DROSHA: variants seen among roughly 807,000 people sequenced by gnomAD.
DROSHA encodes ribonuclease 3.
Under a neutral mutation model 181.9 loss-of-function variants are expected in DROSHA, and 56 were observed. The ratio of observed to expected loss-of-function variants is 0.31; its 90% confidence interval spans 0.25 to 0.38. The LOEUF (loss-of-function observed/expected upper bound fraction) is 0.38, where lower values mean the gene tolerates loss of function less well. Among genes scored for constraint, DROSHA ranks in the 10% least tolerant of loss-of-function variants. DROSHA has a pLI of 1.00. For synonymous variants in DROSHA, 524 were observed against 591.2 expected (o/e 0.89, Z 1.65); for missense variants, 1,218 against 1,743.5 (o/e 0.70, Z 5.37).
Position 31,411,051 on chromosome 5 carries a change from T to C in DROSHA, c.3526-164A>G, listed in dbSNP as rs1272709068. 6.6e-6 allele frequency among the ~76,000 whole-genome samples: 1 copy of C among 152,200 alleles called. No homozygotes were observed. The highest frequency in any genetic ancestry group is 1.5e-5 in the Non-Finnish European group (1 of 68,030). ...ACCCAGATGACAGTGATATGCTCCATGCCCATTTACCTTCTCCTTAATAAC... is the reference window on the plus strand; with the variant it reads ...ACCCAGATGACAGTGATATGCTCCACGCCCATTTACCTTCTCCTTAATAAC... On this transcript the variant is annotated intron_variant, in intron 30 of 35. Transcript: ENST00000344624. This position sits in a 1 kb window ranked among gnomAD's most constrained non-coding sequence, Gnocchi z 4.2.
At chr5:31,530,601 G>C (rs1741174925) in intron 3 of DROSHA, among the ~76,000 whole-genome samples, 197 bp downstream of exon 3, 1 of 137,210 alleles carries the variant, frequency 7.3e-6, no homozygotes, top group South Asian at 2.3e-4. Context: ...TTGCACTCCA[G>C]CCTGGGCAAC....
In DROSHA at chr5:31,435,520, A is replaced by C. The variant is rs4867329; in HGVS notation, c.3042+245T>G. On this transcript the variant is annotated intron_variant, in intron 25 of 35. Coordinates refer to ENST00000344624, the MANE Select transcript of DROSHA (RefSeq NM_001382508.1). ...TAACTCTGTTCATGCACATCTGTCA[A>C]ATTTTTCTTCATCTGTTCTCAAGTT... Among the ~76,000 whole-genome samples, 67,980 of 151,144 alleles carry C rather than the reference A, an allele frequency of 0.45. 16,135 individuals carry two copies. The highest frequency in any genetic ancestry group is 0.54 in the Non-Finnish European group (36,513 of 67,942).
intron 16 of DROSHA, among the ~76,000 whole-genome samples, chr5:31,478,124 C>A (rs961064714): frequency 1.3e-5 from 2 of 152,024 alleles, no homozygotes; most frequent in Non-Finnish European, 2.9e-5. Context: ...CTGAAAAATG[C>A]GGAAAGTTAC....
intron 17 of DROSHA, among the ~76,000 whole-genome samples, chr5:31,471,026 A>G (rs1204750131): frequency 1.3e-5 from 2 of 152,278 alleles, no homozygotes; most frequent in African/African-American, 4.8e-5. Flanking sequence ...TAACAGTATA[A>G]CAGTAAAAAT....
intron 23 of DROSHA, among the ~76,000 whole-genome samples, chr5:31,445,646 T>C (rs1746156651): frequency 7.0e-6 from 1 of 142,016 alleles, no homozygotes; most frequent in Non-Finnish European, 1.6e-5. Flanking sequence ...GGTTGGCTTA[T>C]CACCCCAAAT....
In DROSHA at chr5:31,401,383, C is replaced by T; in HGVS notation, c.*49G>A. ...AACTAGGCTAGGTCTCAATAGACAA[C>T]AGTCACAGTTACTGAGCAAGTAAAT... is the stretch of plus-strand genomic sequence containing the variant. On this transcript the variant is annotated 3_prime_UTR_variant, in exon 36 of 36. Coordinates refer to ENST00000344624, the MANE Select transcript of DROSHA (RefSeq NM_001382508.1). The T allele has an allele frequency of 6.3e-7, 1 of 1,598,692 alleles. No homozygotes were observed. The highest frequency in any genetic ancestry group is 8.5e-7 in the Non-Finnish European group (1 of 1,170,082).
chr5:31,453,027 T>C (rs979538701), intron 20 of DROSHA, among the ~76,000 whole-genome samples: 16 of 152,180 alleles, frequency 1.1e-4, no homozygotes, highest in African/African-American at 3.6e-4. Flanking sequence ...TGCTAAAAAC[T>C]CAAGGTGGAT....
Position 31,493,945 on chromosome 5 carries a change from G to C in DROSHA, c.1756-652C>G, listed in dbSNP as rs1038164105. ...ATTCTTATAACCCACCATTGTGTGT[G>C]TGTGTGTGTGTGTGTGTGTGTGTGT... On this transcript the variant is annotated intron_variant, in intron 12 of 35. Coordinates refer to ENST00000344624, the MANE Select transcript of DROSHA (RefSeq NM_001382508.1). Among the ~76,000 whole-genome samples the C allele has an allele frequency of 5.8e-4, 25 of 42,774 alleles. 1 individual carries two copies. The highest frequency in any genetic ancestry group is 0.013 in the Middle Eastern group (1 of 78). 28.1% of individuals were successfully genotyped at this position (42,774 alleles called of 152,430 possible).
Position 31,493,641 on chromosome 5 carries a change from C to T in DROSHA, c.1756-348G>A, listed in dbSNP as rs534146933. ...GAACTAACAGAAGTCCTAACAGGAGCAAGGTAATAACACAGCTGACTCAAA... is the reference window on the plus strand; with the variant it reads ...GAACTAACAGAAGTCCTAACAGGAGTAAGGTAATAACACAGCTGACTCAAA... On this transcript the variant is annotated intron_variant, in intron 12 of 35. Coordinates refer to ENST00000344624, the MANE Select transcript of DROSHA (RefSeq NM_001382508.1). Among the ~76,000 whole-genome samples the T allele has an allele frequency of 4.6e-5, 7 of 152,170 alleles. 1 individual carries two copies. In the East Asian group the frequency reaches 5.8e-4, roughly 13 times the overall value.
intron 5 of DROSHA, among the ~76,000 whole-genome samples, chr5:31,525,099 G>C (rs563592336): frequency 6.6e-6 from 1 of 151,992 alleles, no homozygotes; most frequent in African/African-American, 2.4e-5. Context: ...GGGAGGCCGA[G>C]GGGGGCTGAT....
At chr5:31,401,674 G>T in intron 35 of DROSHA, 112 bp from the exon 36 acceptor site, 1 of 640,928 alleles carries the variant, frequency 1.6e-6, no homozygotes, top group Non-Finnish European at 2.1e-6. Context: ...TATGAAATGT[G>T]TATAATTGTA....
chr5:31,483,421 G>A (rs1165916061), intron 16 of DROSHA, 133 bp downstream of exon 16: 13 of 817,226 alleles, frequency 1.6e-5, no homozygotes, highest in African/African-American at 5.3e-5. Flanking sequence ...TTACATTTCC[G>A]TGCCTAACCT....
At chr5:31,483,374 A>G (rs914965125) in intron 16 of DROSHA, among the ~76,000 whole-genome samples, 180 bp downstream of exon 16, 2 of 152,252 alleles carry the variant, frequency 1.3e-5, no homozygotes, top group African/African-American at 4.8e-5. Context: ...TTGGACTACC[A>G]TAATTTATGC....
chr5:31,439,396 T>C (rs1314095554), intron 23 of DROSHA, among the ~76,000 whole-genome samples: 1 of 152,196 alleles, frequency 6.6e-6, no homozygotes, highest in Non-Finnish European at 1.5e-5. Flanking sequence ...TCAGTGCCTA[T>C]GTTCAAGTCA....
intron 11 of DROSHA, among the ~76,000 whole-genome samples, chr5:31,500,464 G>A (rs941023128): frequency 6.6e-6 from 1 of 152,202 alleles, no homozygotes; most frequent in Non-Finnish European, 1.5e-5. Flanking sequence ...AAGAAGCAAC[G>A]GCCCACGCTG....
intron 23 of DROSHA, among the ~76,000 whole-genome samples, chr5:31,447,695 A>G (rs1746478732): frequency 6.6e-6 from 1 of 152,236 alleles, no homozygotes; most frequent in Non-Finnish European, 1.5e-5. Context: ...AAAGGATCTG[A>G]ATAGATATTT....
At chr5:31,429,003 A>G (rs1743817843) in intron 27 of DROSHA, among the ~76,000 whole-genome samples, 1 of 152,236 alleles carries the variant, frequency 6.6e-6, no homozygotes, top group African/African-American at 2.4e-5. Context: ...CTCTTTATCC[A>G]TAGCCCTATC....
Position 31,479,117 on chromosome 5 carries a change from G to C in DROSHA, c.2071+4437C>G, listed in dbSNP as rs140121625. 2.7e-3 allele frequency among the ~76,000 whole-genome samples: 410 copies of C among 152,092 alleles called. 1 individual carries two copies. The highest frequency in any genetic ancestry group is 4.6e-3 in the Non-Finnish European group (311 of 67,996). On this transcript the variant is annotated intron_variant, in intron 16 of 35. Transcript: ENST00000344624. The stretch of plus-strand genomic sequence containing the variant: ...GCAAAGCATTTACAGTACAGAGAAT[G>C]CCTGAAGTATCTGAGTTTAAAAAAA...
At chr5:31,468,862 A>T (rs1749417109) in intron 17 of DROSHA, among the ~76,000 whole-genome samples, 1 of 152,152 alleles carries the variant, frequency 6.6e-6, no homozygotes, top group South Asian at 2.1e-4. Flanking sequence ...GTTAAAACTG[A>T]TTCACACAGA....
Sources: gnomAD v4.1 joint callset for allele counts (sites outside exome capture counted in the v4.1 genomes callset) on GRCh38, gnomAD v4.1.1 for gene constraint, Gnocchi (gnomAD v3.1) non-coding constraint, MANE v1.5 for transcripts, NCBI Gene and HGNC (gene_info 2026-07-23, HGNC 2026-07-21) for gene names.